Variants in PCDHA13 observed in about 807,000 individuals in gnomAD.
The protein encoded by PCDHA13 is protocadherin alpha-13.
In PCDHA13, 54 loss-of-function variants were observed where a neutral mutation model predicts 64.8. The observed-to-expected ratio is 0.83, with a 90% CI of 0.67 to 1.04. The LOEUF (loss-of-function observed/expected upper bound fraction) is 1.04, where lower values mean the gene tolerates loss of function less well. Ranked by LOEUF, PCDHA13 falls within the 50% of genes least tolerant of loss-of-function variation. The pLI, the probability that PCDHA13 is intolerant of heterozygous loss-of-function variation, is 0.00. For synonymous variants in PCDHA13, 587 were observed against 564.4 expected (o/e 1.04, Z -0.57); for missense variants, 1,248 against 1,254.3 (o/e 0.99, Z 0.08).
chr5:140,932,373 A>T (rs927239233), intron 1 of PCDHA13, among the ~76,000 whole-genome samples: 1 of 151,942 alleles, frequency 6.6e-6, no homozygotes, highest in Non-Finnish European at 1.5e-5. Flanking sequence ...AAATTTCCAC[A>T]TGAAAGTTAT....
At chr5:140,928,319 A>AGAAT (rs1554205765) in intron 1 of PCDHA13, 1 of 1,614,082 alleles carries the variant, frequency 6.2e-7, no homozygotes, top group Non-Finnish European at 8.5e-7. Flanking sequence ...GACCTGGGGA[A>AGAAT]GAATGGCCTT....
At chr5:140,989,940 G>A (rs947716591) in intron 3 of PCDHA13, among the ~76,000 whole-genome samples, 9 of 152,062 alleles carry the variant, frequency 5.9e-5, no homozygotes, top group Admixed American at 1.3e-4. Flanking sequence ...GACATTCCAC[G>A]TTTTTCTCGG....
At chr5:140,982,217 C>A in intron 2 of PCDHA13, 1 of 507,664 alleles carries the variant, frequency 2.0e-6, no homozygotes, top group Non-Finnish European at 3.1e-6. Flanking sequence ...CGCCACATGG[C>A]GTTAATAAAA....
At chr5:140,932,880 AT>A (rs1219080024) in intron 1 of PCDHA13, among the ~76,000 whole-genome samples, 2 of 151,952 alleles carry the variant, frequency 1.3e-5, no homozygotes, top group Non-Finnish European at 2.9e-5. Context: ...TGTCTTCAAT[AT>A]TTTCAGTTAG....
At chr5:141,001,624 CG>C (rs1335079944) in intron 3 of PCDHA13, among the ~76,000 whole-genome samples, 1 of 151,678 alleles carries the variant, frequency 6.6e-6, no homozygotes, top group African/African-American at 2.4e-5. Context: ...AAAGGACTGG[CG>C]GGGGTTGGGG....
chr5:140,957,222 G>A (rs537549328), intron 1 of PCDHA13, among the ~76,000 whole-genome samples: 1 of 152,182 alleles, frequency 6.6e-6, no homozygotes, highest in East Asian at 1.9e-4. Context: ...AAAATTTGGC[G>A]AAGCATTTTG....
chr5:140,927,897 T>C (rs907878286), intron 1 of PCDHA13: 1 of 1,614,086 alleles, frequency 6.2e-7, no homozygotes, highest in African/African-American at 1.3e-5. Context: ...ACGTGAACGA[T>C]CATGCCCCCG....
chr5:140,914,076 T>C (rs2076593853), intron 1 of PCDHA13, among the ~76,000 whole-genome samples: 1 of 152,218 alleles, frequency 6.6e-6, no homozygotes, highest in Non-Finnish European at 1.5e-5. Context: ...TCCATAACTA[T>C]CTATTAGGTC....
rs957445106 is a variant in PCDHA13, at chr5:140,980,862, G to A, written c.2454-1613G>A. Among the ~76,000 whole-genome samples the A allele has an allele frequency of 5.1e-4, 77 of 152,202 alleles. 2 individuals are homozygous for A. Among genetic ancestry groups the A allele is most frequent in the African/African-American group, 1.7e-3 (72 of 41,546 alleles). ...AATAATACTAATCTTTTTCGTATGT[G>A]TGCTTGGGTGTTCTCGGTCTTTCCA... On this transcript the variant is annotated intron_variant, in intron 2 of 3. Coordinates refer to ENST00000289272, the MANE Select transcript of PCDHA13 (RefSeq NM_018904.3).
intron 3 of PCDHA13, among the ~76,000 whole-genome samples, chr5:140,994,916 G>C (rs191112964): frequency 2.0e-5 from 3 of 152,332 alleles, no homozygotes; most frequent in Admixed American, 1.3e-4. Context: ...ACTGGAATCA[G>C]ATTTTGTAGG....
In PCDHA13 at chr5:141,000,421, A is replaced by ATTTTT. The variant is rs34755515; in HGVS notation, c.2543-9187_2543-9183dup. Among the ~76,000 whole-genome samples, 110 of 27,976 alleles carry ATTTTT rather than the reference A, an allele frequency of 3.9e-3. 3 individuals carry two copies. Among genetic ancestry groups the ATTTTT allele is most frequent in the Non-Finnish European group, 5.0e-3 (89 of 17,656 alleles). The allele number at this position is 27,976 out of a possible 152,430, so 18.4% of individuals were successfully genotyped here. ...TATATATATATATATATATATATATATTTTTTTTTTTTTTTTTTTTTTTGA... is the reference window on the plus strand; with the variant it reads ...TATATATATATATATATATATATATATTTTTTTTTTTTTTTTTTTTTTTTTTTTGA... On this transcript the variant is annotated intron_variant, in intron 3 of 3. Coordinates refer to ENST00000289272, the MANE Select transcript of PCDHA13 (RefSeq NM_018904.3).
At chr5:140,940,139 C>G (rs984432706) in intron 1 of PCDHA13, among the ~76,000 whole-genome samples, 16 of 152,010 alleles carry the variant, frequency 1.1e-4, no homozygotes, top group Admixed American at 1.0e-3. Context: ...TAGTGATAAA[C>G]TATTATAGTT....
At chr5:140,890,136 T>C (rs1297709763) in intron 1 of PCDHA13, among the ~76,000 whole-genome samples, 4 of 152,148 alleles carry the variant, frequency 2.6e-5, no homozygotes, top group Non-Finnish European at 4.4e-5. Flanking sequence ...TAGCTTGAAA[T>C]TGGCCATGGT....
chr5:140,928,105 C>T, intron 1 of PCDHA13: 6 of 1,614,150 alleles, frequency 3.7e-6, no homozygotes, highest in Middle Eastern at 1.6e-4. Flanking sequence ...GCCCCTGGAC[C>T]GGGAGCAGAT....
At chr5:140,925,187 C>T (rs2082372782) in intron 1 of PCDHA13, among the ~76,000 whole-genome samples, 1 of 152,134 alleles carries the variant, frequency 6.6e-6, no homozygotes, top group Admixed American at 6.5e-5. Flanking sequence ...TGTACCATCA[C>T]CCAGCTTCAA....
At chr5:140,921,615 C>A (rs977929420) in intron 1 of PCDHA13, among the ~76,000 whole-genome samples, 13 of 152,090 alleles carry the variant, frequency 8.5e-5, no homozygotes, top group Non-Finnish European at 1.5e-4. Flanking sequence ...AGAAAAATAT[C>A]ATCAGATCAT....
intron 1 of PCDHA13, among the ~76,000 whole-genome samples, chr5:140,891,471 C>T (rs1239816606): frequency 6.6e-6 from 1 of 151,474 alleles, no homozygotes; most frequent in Non-Finnish European, 1.5e-5. Flanking sequence ...GAATTAATGC[C>T]TTTACATCAC....
chr5:140,990,686 G>A (rs1391341936), intron 3 of PCDHA13, among the ~76,000 whole-genome samples: 1 of 152,124 alleles, frequency 6.6e-6, no homozygotes, highest in Admixed American at 6.5e-5. Context: ...AGCTGCTTTC[G>A]GAGAGTCCAG....
intron 3 of PCDHA13, among the ~76,000 whole-genome samples, chr5:140,984,610 G>A (rs2097110934): frequency 6.6e-6 from 1 of 152,188 alleles, no homozygotes; most frequent in African/African-American, 2.4e-5. Flanking sequence ...CTCTGCATCA[G>A]TGGTGTAAAG....
Sources: allele counts gnomAD v4.1 joint callset (sites outside exome capture counted in the v4.1 genomes callset), GRCh38; gene constraint gnomAD v4.1.1; transcripts MANE v1.5; gene names NCBI Gene and HGNC (gene_info 2026-07-23, HGNC 2026-07-21).